Variants in NRG3 observed in about 807,000 individuals in gnomAD.
The protein encoded by NRG3 is neuregulin 3.
Under a neutral mutation model 66.9 loss-of-function variants are expected in NRG3, and 31 were observed. The ratio of observed to expected loss-of-function variants is 0.46; its 90% CI spans 0.35 to 0.63. The LOEUF (loss-of-function observed/expected upper bound fraction) is 0.63. NRG3 is among the 20% of genes least tolerant of loss of function. NRG3 has a pLI of 0.00. For synonymous variants in NRG3, 393 were observed against 359.4 expected, an observed-to-expected ratio of 1.09 and a Z score of -1.06; for missense variants, 910 against 878.9, an observed-to-expected ratio of 1.04 and a Z score of -0.45.
intron 1 of NRG3, among the ~76,000 whole-genome samples, chr10:82,202,470 T>G (rs1357887894): frequency 6.6e-6 from 1 of 152,024 alleles, no homozygotes; most frequent in Non-Finnish European, 1.5e-5. Flanking sequence ...TCGTTGCCAC[T>G]TTTGAGAGAA....
intron 4 of NRG3, among the ~76,000 whole-genome samples, chr10:82,930,146 G>A (rs1056401074): frequency 6.6e-6 from 1 of 152,146 alleles, no homozygotes; most frequent in African/African-American, 2.4e-5. Flanking sequence ...GTAGCACGAG[G>A]CATTAAAAGA....
intron 3 of NRG3, among the ~76,000 whole-genome samples, chr10:82,847,309 G>C (rs1368541508): frequency 2.0e-5 from 3 of 152,172 alleles, no homozygotes; most frequent in African/African-American, 7.2e-5. Context: ...CAAAATTCAG[G>C]ATTTTAGTTG....
At chr10:82,699,663 TC>T (rs1367094396) in intron 2 of NRG3, among the ~76,000 whole-genome samples, 1 of 152,104 alleles carries the variant, frequency 6.6e-6, no homozygotes. Flanking sequence ...CTTGTTCCAC[TC>T]CTTGATGCAG....
At chr10:82,756,659 C>G (rs892573860) in intron 3 of NRG3, among the ~76,000 whole-genome samples, 2 of 152,030 alleles carry the variant, frequency 1.3e-5, no homozygotes, top group Admixed American at 6.6e-5. Flanking sequence ...ACACTAGTTA[C>G]TACTTAATTT....
At chr10:82,652,090 T>A (rs1021869218) in intron 2 of NRG3, among the ~76,000 whole-genome samples, 1 of 152,186 alleles carries the variant, frequency 6.6e-6, no homozygotes, top group South Asian at 2.1e-4. Flanking sequence ...CCTGCTGTGA[T>A]CTGCCCCTGG....
chr10:82,310,890 A>T (rs1055846390), intron 1 of NRG3, among the ~76,000 whole-genome samples: 12 of 152,232 alleles, frequency 7.9e-5, no homozygotes, highest in African/African-American at 2.9e-4. Context: ...TCATCAGACA[A>T]GTATGAGCAC....
At chr10:82,771,554 G>C (rs1294713095) in intron 3 of NRG3, among the ~76,000 whole-genome samples, 1 of 152,098 alleles carries the variant, frequency 6.6e-6, no homozygotes, top group Non-Finnish European at 1.5e-5. Flanking sequence ...CTTATTCCAT[G>C]TAAGTTTGTC....
intron 2 of NRG3, among the ~76,000 whole-genome samples, chr10:82,467,158 T>C (rs918706929): frequency 7.9e-5 from 12 of 152,222 alleles, no homozygotes; most frequent in Non-Finnish European, 1.3e-4. Context: ...CTGCACTTTA[T>C]TGACAAGTTT....
At chr10:82,286,320 T>A (rs574983628) in intron 1 of NRG3, among the ~76,000 whole-genome samples, 18 of 152,170 alleles carry the variant, frequency 1.2e-4, no homozygotes, top group African/African-American at 3.4e-4. Context: ...CATGATGGGA[T>A]GGTGGTGTGT....
At chr10:82,321,690 G>A (rs1165809778) in intron 1 of NRG3, among the ~76,000 whole-genome samples, 1 of 152,158 alleles carries the variant, frequency 6.6e-6, no homozygotes, top group African/African-American at 2.4e-5. Context: ...GATATGATTT[G>A]TCTTGCTAGG....
intron 2 of NRG3, among the ~76,000 whole-genome samples, chr10:82,412,259 G>C (rs943102864): frequency 6.6e-6 from 1 of 152,142 alleles, no homozygotes; most frequent in African/African-American, 2.4e-5. Context: ...TATACATTGG[G>C]AACGTTGTGG....
chr10:82,768,423 T>C (rs940782651), intron 3 of NRG3, among the ~76,000 whole-genome samples: 4 of 152,156 alleles, frequency 2.6e-5, no homozygotes, highest in African/African-American at 9.6e-5. Context: ...TTGTTTGTCG[T>C]AGTGACCTAT....
chr10:82,507,180 T>C (rs2132408466), intron 2 of NRG3, among the ~76,000 whole-genome samples: 1 of 152,282 alleles, frequency 6.6e-6, no homozygotes, highest in South Asian at 2.1e-4. Context: ...GGAACAGGAA[T>C]TGAGTTGGGA....
At chr10:82,951,360 C>T in intron 4 of NRG3, 109 bp from the exon 5 acceptor site, 1 of 758,892 alleles carries the variant, frequency 1.3e-6, no homozygotes. Context: ...TGACAGAAAC[C>T]AAAAAGTTGG....
chr10:82,658,373 T>C (rs2052039584), intron 2 of NRG3, among the ~76,000 whole-genome samples: 1 of 152,090 alleles, frequency 6.6e-6, no homozygotes, highest in Admixed American at 6.6e-5. Flanking sequence ...CAAAAAACTC[T>C]TGGGAATGTA....
intron 2 of NRG3, among the ~76,000 whole-genome samples, chr10:82,484,199 C>A (rs1181622737): frequency 6.6e-6 from 1 of 152,168 alleles, no homozygotes; most frequent in Admixed American, 6.5e-5. Context: ...AGCCAAATCC[C>A]TGTTTTTCAT....
intron 1 of NRG3, among the ~76,000 whole-genome samples, chr10:82,082,957 T>C (rs2065478906): frequency 6.6e-6 from 1 of 152,142 alleles, no homozygotes; most frequent in South Asian, 2.1e-4. Context: ...CTTTTTTTTT[T>C]TCAGACGGGG....
intron 1 of NRG3, among the ~76,000 whole-genome samples, chr10:82,126,137 C>T (rs1040141624): frequency 2.6e-5 from 4 of 151,952 alleles, no homozygotes; most frequent in African/African-American, 7.2e-5. Context: ...ATACTTTTCA[C>T]TAGAAAGTGA....
intron 3 of NRG3, among the ~76,000 whole-genome samples, chr10:82,767,342 T>C (rs560795556): frequency 6.6e-6 from 1 of 152,222 alleles, no homozygotes; most frequent in South Asian, 2.1e-4. Flanking sequence ...TTCCTGTTTT[T>C]AATTTTGTTT....
Sources: allele counts gnomAD v4.1 joint callset (sites outside exome capture counted in the v4.1 genomes callset), GRCh38; gene constraint gnomAD v4.1.1; transcripts MANE v1.5; gene names NCBI Gene and HGNC (gene_info 2026-07-23, HGNC 2026-07-21).